SCN1A: variants seen among roughly 807,000 people sequenced by gnomAD.
SCN1A encodes sodium voltage-gated channel alpha subunit 1, also known as sodium channel protein type 1 subunit alpha.
In SCN1A, 13 loss-of-function variants were observed where a neutral mutation model predicts 193.7. The observed-to-expected ratio is 0.07, with a 90% CI of 0.04 to 0.11. The LOEUF (loss-of-function observed/expected upper bound fraction) is 0.11. Among genes scored for constraint, SCN1A ranks in the 10% least tolerant of loss-of-function variants. The pLI, the probability that SCN1A is intolerant of heterozygous loss-of-function variation, is 1.00. For synonymous variants in SCN1A, 781 were observed against 843.6 expected, an observed-to-expected ratio of 0.93 and a Z score of 1.29; for missense variants, 1,432 against 2,451.1, an observed-to-expected ratio of 0.58 and a Z score of 8.78.
intron 4 of SCN1A, among the ~76,000 whole-genome samples, chr2:166,062,324 C>A (rs1035401904): frequency 6.6e-6 from 1 of 152,130 alleles, no homozygotes; most frequent in African/African-American, 2.4e-5. Flanking sequence ...AATATGATAG[C>A]ACTTTCATGT....
At chr2:166,111,928 C>G (rs1394259824) in intron 2 of SCN1A, among the ~76,000 whole-genome samples, 1 of 152,038 alleles carries the variant, frequency 6.6e-6, no homozygotes, top group Non-Finnish European at 1.5e-5. Context: ...ATGATAAAAC[C>G]TTAAGAGAGG....
At chr2:166,079,031 TG>T (rs1685239016) in intron 2 of SCN1A, among the ~76,000 whole-genome samples, 1 of 151,648 alleles carries the variant, frequency 6.6e-6, no homozygotes, top group Non-Finnish European at 1.5e-5. Context: ...TAATAGAGGT[TG>T]TTTTTAAAAT....
intron 4 of SCN1A, among the ~76,000 whole-genome samples, chr2:166,058,928 A>G (rs1262539175): frequency 2.6e-5 from 4 of 152,120 alleles, no homozygotes. Context: ...TATTGTACAT[A>G]AGACAATTAG....
At chr2:166,040,056 C>G (rs1383596683) in intron 16 of SCN1A, among the ~76,000 whole-genome samples, 1 of 151,290 alleles carries the variant, frequency 6.6e-6, no homozygotes. Context: ...GTAGCTGGGA[C>G]TACAGGCGCC....
At chr2:166,000,238 A>G (rs111976065) in intron 24 of SCN1A, among the ~76,000 whole-genome samples, 97 of 151,894 alleles carry the variant, frequency 6.4e-4, no homozygotes, top group African/African-American at 2.3e-3. Context: ...CAATGTAAGG[A>G]TAGTACCAGG....
chr2:166,133,151 T>TA (rs199794011), intron 1 of SCN1A, among the ~76,000 whole-genome samples: 4 of 152,146 alleles, frequency 2.6e-5, no homozygotes, highest in Non-Finnish European at 5.9e-5. Flanking sequence ...ATGCAGTAAT[T>TA]AAAAGCAAAA....
In SCN1A at chr2:166,038,147, A is replaced by T. The variant is rs752921169; in HGVS notation, c.2590-15T>A. The T allele has an allele frequency of 6.4e-7, 1 of 1,555,808 alleles. No individual in the cohort carries two copies. Among genetic ancestry groups the T allele is most frequent in the Non-Finnish European group, 8.8e-7 (1 of 1,132,670 alleles). ...AAAACTCGCAGCTGGAAAATGAAAG[A>T]TTAATATATATTTGTATGATTCTTA... is the stretch of plus-strand genomic sequence containing the variant. On this transcript the variant is annotated splice_polypyrimidine_tract_variant and intron_variant, in intron 17 of 28. Coordinates refer to ENST00000674923, the MANE Select transcript of SCN1A (RefSeq NM_001165963.4).
intron 23 of SCN1A, among the ~76,000 whole-genome samples, chr2:166,009,206 T>C (rs1173195560): frequency 6.6e-6 from 1 of 151,136 alleles, no homozygotes; most frequent in East Asian, 1.9e-4. Flanking sequence ...TATCTAACCA[T>C]CTAATCTTGA....
intron 7 of SCN1A, 149 bp downstream of exon 7, chr2:166,054,488 AC>A: frequency 1.3e-6 from 1 of 789,172 alleles, no homozygotes; most frequent in Non-Finnish European, 2.1e-6. Context: ...TTCCACTTAG[AC>A]CTTTGTTGTG....
intron 11 of SCN1A, 123 bp from the exon 12 acceptor site, chr2:166,047,099 A>G: frequency 9.4e-7 from 1 of 1,065,136 alleles, no homozygotes. Flanking sequence ...TGGTCATAGC[A>G]CCCTGTACTT....
chr2:166,135,171 A>G (rs550554992), intron 1 of SCN1A, among the ~76,000 whole-genome samples: 1 of 152,270 alleles, frequency 6.6e-6, no homozygotes, highest in African/African-American at 2.4e-5. Context: ...ATGATTGATT[A>G]CTTATTGGAA....
chr2:166,093,594 C>T (rs1022629090), intron 2 of SCN1A, among the ~76,000 whole-genome samples: 3 of 152,282 alleles, frequency 2.0e-5, no homozygotes, highest in East Asian at 1.9e-4. Context: ...CCACCCGCCT[C>T]GGCCTCCCAA....
At chr2:166,031,422 C>G (rs1433713366) in intron 19 of SCN1A, among the ~76,000 whole-genome samples, 1 of 152,108 alleles carries the variant, frequency 6.6e-6, no homozygotes, top group African/African-American at 2.4e-5. Flanking sequence ...CCTCTTGCTT[C>G]CTGTCTTTAG....
At chr2:166,143,779 GAGGTTTCTCAAAAAA>G (rs1449435357) in intron 1 of SCN1A, among the ~76,000 whole-genome samples, 4 of 152,098 alleles carry the variant, frequency 2.6e-5, no homozygotes, top group Non-Finnish European at 5.9e-5. Context: ...GCTTTATGTG[GAGGTTTCTCAAAAAA>G]CTTTGAATAA....
upstream of SCN1A, among the ~76,000 whole-genome samples, chr2:166,130,897 A>G (rs518940): frequency 0.86 from 130,189 of 152,110 alleles, 55,874 homozygotes; most frequent in East Asian, 0.98. Flanking sequence ...ATGCACTTAA[A>G]ATCACATATT....
intron 2 of SCN1A, among the ~76,000 whole-genome samples, chr2:166,097,107 A>G (rs1158498874): frequency 2.0e-5 from 3 of 150,856 alleles, no homozygotes; most frequent in Admixed American, 2.0e-4. Context: ...CTGCAACCTA[A>G]CTCTCCCAGG....
At chr2:166,036,590 A>G in intron 18 of SCN1A, 60 bp from the exon 19 acceptor site, 1 of 1,535,064 alleles carries the variant, frequency 6.5e-7, no homozygotes, top group South Asian at 1.2e-5. Flanking sequence ...AGCAGATTAC[A>G]ATCACTTATT....
chr2:166,105,954 G>A (rs1019174431), intron 2 of SCN1A, among the ~76,000 whole-genome samples: 15 of 152,182 alleles, frequency 9.9e-5, no homozygotes, highest in Admixed American at 6.5e-5. Flanking sequence ...TTGGGAGGCC[G>A]AGGCGGGTGG....
chr2:166,053,184 C>T lies in SCN1A; in HGVS notation c.603-241G>A, dbSNP rs1024467102. The stretch of plus-strand genomic sequence containing the variant: ...ATTTTAGCAGGATTTATATTACTTG[C>T]ATGGGTCTTTTATAAAGACCTTCTT... On this transcript the variant is annotated intron_variant, in intron 7 of 28. Coordinates refer to ENST00000674923, the MANE Select transcript of SCN1A (RefSeq NM_001165963.4). The T allele has an allele frequency of 1.2e-4, 94 of 786,402 alleles. 1 individual carries two copies. Among genetic ancestry groups the T allele is most frequent in the South Asian group, 1.1e-3 (71 of 65,060 alleles). 48.7% of individuals were successfully genotyped at this position (786,402 alleles called of 1,614,324 possible).
Sources: allele counts gnomAD v4.1 joint callset (sites outside exome capture counted in the v4.1 genomes callset), GRCh38; gene constraint gnomAD v4.1.1; transcripts MANE v1.5; gene names NCBI Gene and HGNC (gene_info 2026-07-23, HGNC 2026-07-21).